Variants in ARMH3 observed in about 807,000 individuals in gnomAD.
ARMH3 encodes the protein armadillo-like helical domain-containing protein 3.
Under a neutral mutation model 99.1 loss-of-function variants are expected in ARMH3, and 60 were observed. That is an observed-to-expected ratio of 0.61 (90% CI 0.49 to 0.75). The LOEUF is 0.75. ARMH3 is among the 30% of genes least tolerant of loss of function. The pLI, the probability that ARMH3 is intolerant of heterozygous loss-of-function variation, is 0.00. For synonymous variants in ARMH3, 285 were observed against 292.8 expected, an observed-to-expected ratio of 0.97 and a Z score of 0.27; for missense variants, 679 against 843.1, an observed-to-expected ratio of 0.81 and a Z score of 2.41.
In ARMH3 at chr10:101,872,558, G is replaced by A. The variant is rs1172363749; in HGVS notation, c.1860+16854C>T. 3.3e-5 allele frequency among the ~76,000 whole-genome samples: 5 copies of A among 152,204 alleles called. No homozygotes were observed. The East Asian group carries it at 7.7e-4, about 23-fold the overall frequency. ...CTAAAAATACAAAAATCAGCTGGAC[G>A]TGGTGGCACGCACCTGTGGACCCAG... On this transcript the variant is annotated intron_variant, in intron 24 of 25. Coordinates refer to ENST00000370033, the MANE Select transcript of ARMH3 (RefSeq NM_024541.3).
At chr10:101,909,235 C>T (rs1042349320) in intron 23 of ARMH3, among the ~76,000 whole-genome samples, 9 of 151,538 alleles carry the variant, frequency 5.9e-5, no homozygotes, top group African/African-American at 1.9e-4. Flanking sequence ...GGCAAAACTC[C>T]GTCTCTACTA....
chr10:102,023,100 T>C (rs780313880), intron 8 of ARMH3, among the ~76,000 whole-genome samples: 27 of 151,682 alleles, frequency 1.8e-4, no homozygotes, highest in Non-Finnish European at 3.2e-4. Context: ...GGCAGGAGAA[T>C]TGCTTGAAGC....
chr10:101,874,366 C>A (rs546379801), intron 24 of ARMH3, among the ~76,000 whole-genome samples: 1 of 152,000 alleles, frequency 6.6e-6, no homozygotes. Context: ...TCTTAATATT[C>A]CATTTTGGGT....
At chr10:102,020,710 G>C (rs976462264) in intron 8 of ARMH3, among the ~76,000 whole-genome samples, 1 of 149,058 alleles carries the variant, frequency 6.7e-6, no homozygotes, top group Non-Finnish European at 1.5e-5. Context: ...AAAATTAGCC[G>C]AGTATTGTGG....
At position 101,995,289 on chromosome 10, in the gene ARMH3, A is replaced by C; in HGVS notation, c.1209+8T>G. On this transcript the variant is annotated splice_region_variant and intron_variant, in intron 16 of 25. Transcript: ENST00000370033. ...ACTGCCTAATAGCAGAAGGCTCGTG[A>C]GACCTACCTCTGCAATACATGTAAG... The C allele has an allele frequency of 1.2e-6, 2 of 1,612,534 alleles. No individual in the cohort carries two copies. Among genetic ancestry groups the C allele is most frequent in the Non-Finnish European group, 1.7e-6 (2 of 1,178,692 alleles).
chr10:101,934,720 G>A (rs1443151932), intron 23 of ARMH3, among the ~76,000 whole-genome samples: 3 of 152,058 alleles, frequency 2.0e-5, no homozygotes, highest in Admixed American at 1.3e-4. Context: ...TTAATTTGAA[G>A]AGATTCATTA....
intron 1 of ARMH3, among the ~76,000 whole-genome samples, chr10:102,054,018 C>T (rs1287603606): frequency 6.6e-6 from 1 of 152,142 alleles, no homozygotes; most frequent in Non-Finnish European, 1.5e-5. Context: ...GTTACAGATT[C>T]CTAAACTGTG....
intron 1 of ARMH3, among the ~76,000 whole-genome samples, chr10:102,044,961 C>A (rs2136268693): frequency 6.6e-6 from 1 of 151,936 alleles, no homozygotes; most frequent in East Asian, 1.9e-4. Flanking sequence ...CATGGCAAAA[C>A]CCCGTCTCTA....
intron 4 of ARMH3, among the ~76,000 whole-genome samples, chr10:102,031,243 C>G (rs2067124969): frequency 6.6e-6 from 1 of 152,156 alleles, no homozygotes; most frequent in South Asian, 2.1e-4. Flanking sequence ...GCTCAGTTTT[C>G]TCATCTATAA....
intron 15 of ARMH3, among the ~76,000 whole-genome samples, chr10:102,000,490 G>A (rs1319097033): frequency 6.6e-6 from 1 of 151,710 alleles, no homozygotes; most frequent in African/African-American, 2.4e-5. Flanking sequence ...CAGGTGCGGT[G>A]GCTCACACCT....
intron 23 of ARMH3, among the ~76,000 whole-genome samples, chr10:101,931,543 C>T (rs1843723128): frequency 6.6e-6 from 1 of 151,504 alleles, no homozygotes; most frequent in African/African-American, 2.4e-5. Flanking sequence ...AAGCAGTGGG[C>T]ATTAGGGAAA....
At chr10:101,977,620 A>G (rs1186075009) in intron 19 of ARMH3, among the ~76,000 whole-genome samples, 1 of 152,232 alleles carries the variant, frequency 6.6e-6, no homozygotes, top group Non-Finnish European at 1.5e-5. Context: ...TGCAAATGTA[A>G]TATTATTAAA....
intron 23 of ARMH3, among the ~76,000 whole-genome samples, chr10:101,908,449 G>A (rs890540490): frequency 1.3e-5 from 2 of 152,026 alleles, no homozygotes; most frequent in African/African-American, 4.8e-5. Flanking sequence ...GGCTGTCCTG[G>A]GCACTGTAGA....
At chr10:101,863,773 A>T (rs994594694) in intron 24 of ARMH3, among the ~76,000 whole-genome samples, 7 of 151,948 alleles carry the variant, frequency 4.6e-5, no homozygotes, top group Non-Finnish European at 8.8e-5. Context: ...AAAATAAAAT[A>T]AAATTAAGGC....
intron 23 of ARMH3, among the ~76,000 whole-genome samples, chr10:101,919,729 C>T (rs1182035657): frequency 6.6e-6 from 1 of 152,228 alleles, no homozygotes; most frequent in Admixed American, 6.5e-5. Flanking sequence ...TCTCTGCTCA[C>T]TATTTAAGAA....
At chr10:102,025,646 TTTC>T (rs2066984327) in intron 5 of ARMH3, among the ~76,000 whole-genome samples, 1 of 152,050 alleles carries the variant, frequency 6.6e-6, no homozygotes, top group South Asian at 2.1e-4. Flanking sequence ...TTTCTTTTCT[TTTC>T]TTTTCTTTTC....
chr10:101,995,226 G>C, intron 16 of ARMH3, 71 bp downstream of exon 16: 8 of 1,298,676 alleles, frequency 6.2e-6, no homozygotes, highest in African/African-American at 1.5e-5. Flanking sequence ...ACAGTAATGG[G>C]GTGAGGGGAG....
Position 101,889,506 on chromosome 10 carries a change from C to T in ARMH3, c.1782-16G>A, listed in dbSNP as rs779003371. 7 of 1,597,164 alleles carry T rather than the reference C, an allele frequency of 4.4e-6. No individual in the cohort carries two copies. The highest frequency in any genetic ancestry group is 4.5e-5 in the East Asian group (2 of 44,772). On this transcript the variant is annotated splice_polypyrimidine_tract_variant and intron_variant, in intron 23 of 25. Coordinates refer to ENST00000370033, the MANE Select transcript of ARMH3 (RefSeq NM_024541.3). ...GATGATGGCTCTGAAACAAAGAATTCGTATTAATATGGTGCCAGATAGAAG... is the reference window on the plus strand; with the variant it reads ...GATGATGGCTCTGAAACAAAGAATTTGTATTAATATGGTGCCAGATAGAAG...
Position 101,847,048 on chromosome 10 carries a change from G to C in ARMH3, c.*480C>G, listed in dbSNP as rs2066480808. The stretch of plus-strand genomic sequence containing the variant: ...ATGACTGGACAAAGTGCCAGTGCAG[G>C]CAGGGGACACAGATTTCAAGCCAAG... On this transcript the variant is annotated 3_prime_UTR_variant, in exon 26 of 26. Coordinates refer to ENST00000370033, the MANE Select transcript of ARMH3 (RefSeq NM_024541.3). 2 of 156,718 alleles carry C rather than the reference G, an allele frequency of 1.3e-5. No individual in the cohort carries two copies. The highest frequency in any genetic ancestry group is 1.9e-4 in the South Asian group (1 of 5,290). The allele number at this position is 156,718 out of a possible 1,614,324, so 9.7% of individuals were successfully genotyped here.
Sources: allele counts gnomAD v4.1 joint callset (sites outside exome capture counted in the v4.1 genomes callset), GRCh38; gene constraint gnomAD v4.1.1; transcripts MANE v1.5; gene names NCBI Gene and HGNC (gene_info 2026-07-23, HGNC 2026-07-21).